The following RGS3 variants were observed in gnomAD, a reference collection of about 807,000 sequenced individuals.
The protein encoded by RGS3 is regulator of G-protein signalling 3.
A neutral mutation model predicts 132.6 loss-of-function variants in RGS3; 80 were observed. The observed-to-expected ratio is 0.60, with a 90% confidence interval of 0.50 to 0.73. RGS3 has a LOEUF of 0.73. RGS3 is among the 30% of genes least tolerant of loss of function. RGS3 has a pLI of 0.00. For missense variants in RGS3, 1,382 were observed against 1,530.8 expected, an observed-to-expected ratio of 0.90 and a Z score of 1.62; for synonymous variants, 598 against 620.6, an observed-to-expected ratio of 0.96 and a Z score of 0.54.
chr9:113,562,822 G>A (rs1833849608), intron 19 of RGS3, among the ~76,000 whole-genome samples: 1 of 152,198 alleles, frequency 6.6e-6, no homozygotes, highest in Non-Finnish European at 1.5e-5. Flanking sequence ...CAGTTGCTGT[G>A]TTTCCTTGGG....
chr9:113,447,329 G>GTATATATATATATATATA (rs60991619), intron 1 of RGS3, among the ~76,000 whole-genome samples: 616 of 27,362 alleles, frequency 0.023, 108 homozygotes, highest in Admixed American at 0.028. Context: ...GTATGTATAT[G>GTATATATATATATATATA]TATATATATA....
intron 1 of RGS3, among the ~76,000 whole-genome samples, chr9:113,447,335 A>ATATATATATATATATATATGTGTG (rs1564431510): frequency 1.4e-5 from 1 of 73,988 alleles, no homozygotes; most frequent in Non-Finnish European, 2.9e-5. Flanking sequence ...ATATGTATAT[A>ATATATATATATATATATATGTGTG]TATATATATA....
At chr9:113,587,549 G>A (rs1195948839) in intron 20 of RGS3, among the ~76,000 whole-genome samples, 2 of 152,200 alleles carry the variant, frequency 1.3e-5, no homozygotes, top group Non-Finnish European at 2.9e-5. Context: ...GTTCCAGGGC[G>A]CAGTACGTAG....
At chr9:113,476,272 G>A (rs1348801279) in intron 3 of RGS3, among the ~76,000 whole-genome samples, 2 of 152,104 alleles carry the variant, frequency 1.3e-5, no homozygotes, top group Non-Finnish European at 2.9e-5. Context: ...GAGTGCTGGA[G>A]TGGGGGTAGA....
At chr9:113,508,856 T>G (rs1831268125) in intron 14 of RGS3, among the ~76,000 whole-genome samples, 2 of 152,172 alleles carry the variant, frequency 1.3e-5, no homozygotes, top group Non-Finnish European at 2.9e-5. Flanking sequence ...TCAATTGAGA[T>G]TCATCCAATT....
chr9:113,559,418 G>A (rs530255375), intron 19 of RGS3, among the ~76,000 whole-genome samples: 27 of 152,324 alleles, frequency 1.8e-4, no homozygotes, highest in Non-Finnish European at 3.5e-4. Flanking sequence ...ACTGCAAGGC[G>A]TGCCCCAGGA....
intron 19 of RGS3, among the ~76,000 whole-genome samples, chr9:113,570,811 A>G (rs1368970413): frequency 6.6e-6 from 1 of 151,970 alleles, no homozygotes; most frequent in African/African-American, 2.4e-5. Context: ...TAATTTTTGT[A>G]TTTTTAGTAG....
At chr9:113,572,624 A>G (rs1243123369) in intron 19 of RGS3, among the ~76,000 whole-genome samples, 1 of 152,214 alleles carries the variant, frequency 6.6e-6, no homozygotes, top group African/African-American at 2.4e-5. Flanking sequence ...AAGGGTGTGT[A>G]TCTGGAAAGG....
exon 2 of RGS3, chr9:113,461,749 A>T: frequency 6.2e-7 from 1 of 1,614,080 alleles, no homozygotes; most frequent in African/African-American, 1.3e-5. Context: ...TTCTTTCTGG[A>T]TCTCACCGTC....
chr9:113,482,152 T>C (rs1830184915), intron 4 of RGS3, among the ~76,000 whole-genome samples: 1 of 152,116 alleles, frequency 6.6e-6, no homozygotes, highest in Admixed American at 6.6e-5. Context: ...TTGTCTTCTT[T>C]CTATAGACCT....
At chr9:113,502,595 G>A (rs7856689) in intron 10 of RGS3, among the ~76,000 whole-genome samples, 24,021 of 152,168 alleles carry the variant, frequency 0.16, 2,028 homozygotes, top group African/African-American at 0.2. Flanking sequence ...CGACACTAGC[G>A]TCTGGATGGC....
rs1365755504 is a variant in RGS3 at position 113,537,056 on chromosome 9, G to A, written c.2037+138G>A. The stretch of plus-strand genomic sequence containing the variant: ...TGGGCAATGAGCTCTTGGCAAGCGG[G>A]GACCTGTGCCCGAATGTCTCTCCCC... On this transcript the variant is annotated intron_variant, in intron 19 of 24. Transcript: ENST00000350696. The surrounding 1 kb of genome is among the most constrained non-coding windows in gnomAD (Gnocchi z 4.3). 5 of 749,894 alleles carry A rather than the reference G, an allele frequency of 6.7e-6. No homozygotes were observed. The highest frequency in any genetic ancestry group is 2.6e-5 in the Admixed American group (1 of 38,788). The allele number at this position is 749,894 out of a possible 1,614,324, so 46.5% of individuals were successfully genotyped here.
chr9:113,523,380 C>T (rs185681120), intron 17 of RGS3, among the ~76,000 whole-genome samples: 205 of 152,298 alleles, frequency 1.3e-3, no homozygotes, highest in Non-Finnish European at 2.4e-3. Flanking sequence ...TACTCAGCCT[C>T]TCTGAGACTG....
intron 15 of RGS3, among the ~76,000 whole-genome samples, chr9:113,515,618 G>A (rs1005252074): frequency 6.6e-6 from 1 of 151,890 alleles, no homozygotes. Context: ...GAGACAGAGT[G>A]AGACTCTGTC....
chr9:113,582,210 C>T, intron 19 of RGS3: 1 of 985,432 alleles, frequency 1.0e-6, no homozygotes, highest in Non-Finnish European at 1.2e-6. Flanking sequence ...TCGAGCATGG[C>T]TTTTGGCTGT....
intron 19 of RGS3, among the ~76,000 whole-genome samples, chr9:113,551,281 A>G (rs1022627765): frequency 3.3e-5 from 5 of 152,218 alleles, no homozygotes; most frequent in African/African-American, 4.8e-5. Flanking sequence ...AGGATCATCC[A>G]TGTTGTAGCA....
At chr9:113,525,337 T>C (rs117042885) in intron 17 of RGS3, among the ~76,000 whole-genome samples, 3,722 of 152,172 alleles carry the variant, frequency 0.024, 66 homozygotes, top group Admixed American at 0.037. Flanking sequence ...TGAGACAGGC[T>C]TGTGGGCCCA....
intron 19 of RGS3, among the ~76,000 whole-genome samples, chr9:113,538,263 A>G (rs1005505455): frequency 6.6e-6 from 1 of 152,180 alleles, no homozygotes; most frequent in African/African-American, 2.4e-5. Context: ...TTGTTGCAGC[A>G]CTGGCTGGTT....
chr9:113,541,492 C>G, intron 19 of RGS3: 1 of 1,583,348 alleles, frequency 6.3e-7, no homozygotes, highest in Non-Finnish European at 8.6e-7. Flanking sequence ...CCCTACCACA[C>G]AGTAACCTCA....
Sources: allele counts gnomAD v4.1 joint callset (sites outside exome capture counted in the v4.1 genomes callset), GRCh38; gene constraint gnomAD v4.1.1; non-coding constraint Gnocchi (gnomAD v3.1); transcripts MANE v1.5; gene names NCBI Gene and HGNC (gene_info 2026-07-23, HGNC 2026-07-21).